Variants in DAAM1 observed in about 807,000 individuals in gnomAD.
The protein encoded by DAAM1 is disheveled-associated activator of morphogenesis 1.
A neutral mutation model predicts 130.0 loss-of-function variants in DAAM1; 52 were observed. The ratio of observed to expected loss-of-function variants is 0.40; its 90% CI spans 0.32 to 0.50. DAAM1 has a LOEUF of 0.50. Among genes scored for constraint, DAAM1 ranks in the 20% least tolerant of loss-of-function variants. DAAM1 has a pLI of 0.61. For synonymous variants in DAAM1, 452 were observed against 444.5 expected (o/e 1.02, Z -0.21); for missense variants, 1,134 against 1,303.8 (o/e 0.87, Z 2.01).
intron 1 of DAAM1, among the ~76,000 whole-genome samples, chr14:59,192,359 A>C (rs1290872406): frequency 1.3e-5 from 2 of 152,210 alleles, no homozygotes; most frequent in Admixed American, 6.5e-5. Context: ...AAAACACTTT[A>C]AAGTTGCAGC....
chr14:59,189,073 TTC>T (rs1163241571), intron 1 of DAAM1, among the ~76,000 whole-genome samples: 11 of 152,124 alleles, frequency 7.2e-5, no homozygotes, highest in Non-Finnish European at 1.5e-4. Flanking sequence ...CTCCCTTTCT[TTC>T]TAAGGCGCCC....
At chr14:59,259,589 A>G (rs767642482) in intron 1 of DAAM1, among the ~76,000 whole-genome samples, 63 of 152,222 alleles carry the variant, frequency 4.1e-4, no homozygotes, top group Non-Finnish European at 7.2e-4. Context: ...TACCAAGGAT[A>G]AGATATGGGA....
intron 1 of DAAM1, among the ~76,000 whole-genome samples, chr14:59,247,316 A>G (rs1486579899): frequency 2.0e-5 from 3 of 152,198 alleles, no homozygotes; most frequent in African/African-American, 7.2e-5. Context: ...GAAATCAGAA[A>G]GTACAAGACC....
At chr14:59,360,145 A>G (rs571423691) in intron 21 of DAAM1, among the ~76,000 whole-genome samples, 102 of 152,328 alleles carry the variant, frequency 6.7e-4, no homozygotes, top group Admixed American at 3.7e-3. Flanking sequence ...AAATTAAATG[A>G]AGTATTGGTG....
chr14:59,234,760 T>G (rs980300877), intron 1 of DAAM1, among the ~76,000 whole-genome samples: 3 of 152,184 alleles, frequency 2.0e-5, no homozygotes, highest in Non-Finnish European at 4.4e-5. Flanking sequence ...TTGGTATGGG[T>G]TTGTCATAAA....
intron 1 of DAAM1, among the ~76,000 whole-genome samples, chr14:59,217,860 A>C (rs544823915): frequency 6.6e-6 from 1 of 152,034 alleles, no homozygotes; most frequent in African/African-American, 2.4e-5. Flanking sequence ...GGTGGTGGGC[A>C]CCTGTAGTCC....
At chr14:59,273,657 A>G (rs956179061) in intron 2 of DAAM1, among the ~76,000 whole-genome samples, 4 of 152,234 alleles carry the variant, frequency 2.6e-5, no homozygotes, top group African/African-American at 7.2e-5. Context: ...GTATACTGAC[A>G]TTCCCATTCT....
intron 3 of DAAM1, among the ~76,000 whole-genome samples, chr14:59,307,353 T>C (rs1884414665): frequency 6.6e-6 from 1 of 152,238 alleles, no homozygotes; most frequent in Non-Finnish European, 1.5e-5. Context: ...ATCATAAGTC[T>C]ACTCCTTGGG....
chr14:59,327,045 G>T, intron 12 of DAAM1, 54 bp downstream of exon 12: 2 of 1,592,810 alleles, frequency 1.3e-6, no homozygotes, highest in South Asian at 2.2e-5. Flanking sequence ...GGGTGACCTT[G>T]ATTTCCATAT....
intron 20 of DAAM1, among the ~76,000 whole-genome samples, chr14:59,358,113 A>G (rs1171978049): frequency 6.6e-6 from 1 of 152,218 alleles, no homozygotes; most frequent in Non-Finnish European, 1.5e-5. Flanking sequence ...GTAGTTCTTG[A>G]TCCTGGTTGC....
chr14:59,271,075 T>C (rs996248039), intron 2 of DAAM1, among the ~76,000 whole-genome samples: 1 of 152,204 alleles, frequency 6.6e-6, no homozygotes, highest in Non-Finnish European at 1.5e-5. Context: ...GAACCCAAGT[T>C]TTTCTAAGCC....
intron 3 of DAAM1, among the ~76,000 whole-genome samples, chr14:59,306,687 CTT>C (rs138532767): frequency 6.9e-6 from 1 of 144,770 alleles, no homozygotes; most frequent in African/African-American, 2.5e-5. Context: ...GAGTTCACAG[CTT>C]TTTTTTTTTT....
At chr14:59,234,423 C>T (rs1463258896) in intron 1 of DAAM1, among the ~76,000 whole-genome samples, 1 of 152,102 alleles carries the variant, frequency 6.6e-6, no homozygotes, top group South Asian at 2.1e-4. Flanking sequence ...AGATTTGGCT[C>T]TCTGCTTGTC....
intron 15 of DAAM1, among the ~76,000 whole-genome samples, chr14:59,335,132 T>C (rs1406536586): frequency 1.3e-5 from 2 of 152,188 alleles, no homozygotes; most frequent in Non-Finnish European, 2.9e-5. Context: ...CCAATTTCAC[T>C]TTGCTCTTCC....
At chr14:59,367,709 G>A (rs1886975190) in intron 24 of DAAM1, 110 bp downstream of exon 24, 9 of 1,399,242 alleles carry the variant, frequency 6.4e-6, no homozygotes, top group Non-Finnish European at 8.5e-6. Flanking sequence ...AGGCTTCAAT[G>A]TACTCTCTAG....
At chr14:59,219,982 C>T (rs1297179008) in intron 1 of DAAM1, among the ~76,000 whole-genome samples, 1 of 152,152 alleles carries the variant, frequency 6.6e-6, no homozygotes, top group Non-Finnish European at 1.5e-5. Flanking sequence ...AAGAGTGGTT[C>T]CTGCTATGGA....
At chr14:59,342,014 G>A (rs942264954) in intron 16 of DAAM1, among the ~76,000 whole-genome samples, 10 of 152,056 alleles carry the variant, frequency 6.6e-5, no homozygotes, top group Admixed American at 3.9e-4. Context: ...TCTCTTTCTG[G>A]CAAATTTCCC....
intron 1 of DAAM1, among the ~76,000 whole-genome samples, chr14:59,195,063 T>TACAC (rs1471660679): frequency 6.6e-6 from 1 of 151,992 alleles, no homozygotes; most frequent in Non-Finnish European, 1.5e-5. Flanking sequence ...GCCATTAGGC[T>TACAC]ACACAATCAT....
At chr14:59,327,398 G>GTTTTTTTTTTTTTTTTT (rs1338982717) in intron 12 of DAAM1, among the ~76,000 whole-genome samples, 18 of 72,750 alleles carry the variant, frequency 2.5e-4, no homozygotes, top group African/African-American at 1.3e-3. Flanking sequence ...AGGTCACTTG[G>GTTTTTTTTTTTTTTTTT]TTTCTTTTTT....
Sources: gnomAD v4.1 joint callset for allele counts (sites outside exome capture counted in the v4.1 genomes callset) on GRCh38, gnomAD v4.1.1 for gene constraint, MANE v1.5 for transcripts, NCBI Gene and HGNC (gene_info 2026-07-23, HGNC 2026-07-21) for gene names.